Variants in TSEN2 observed in about 807,000 individuals in gnomAD.
TSEN2 encodes tRNA-splicing endonuclease subunit Sen2.
Under a neutral mutation model 59.2 loss-of-function variants are expected in TSEN2, and 54 were observed. That is an observed-to-expected ratio of 0.91 (90% CI 0.73 to 1.14). The LOEUF (loss-of-function observed/expected upper bound fraction) is 1.14. Among genes scored for constraint, TSEN2 ranks in the 50% most tolerant of loss-of-function variants. The pLI, the probability that TSEN2 is intolerant of heterozygous loss-of-function variation, is 0.00. For synonymous variants in TSEN2, 195 were observed against 198.2 expected, an observed-to-expected ratio of 0.98 and a Z score of 0.14; for missense variants, 636 against 576.2, an observed-to-expected ratio of 1.10 and a Z score of -1.06.
chr3:12,525,700 G>A (rs562498185), intron 8 of TSEN2, among the ~76,000 whole-genome samples: 1 of 152,190 alleles, frequency 6.6e-6, no homozygotes, highest in African/African-American at 2.4e-5. Flanking sequence ...GGGACTACAG[G>A]CATGCATTAC....
intron 8 of TSEN2, among the ~76,000 whole-genome samples, chr3:12,521,613 G>A (rs1212245823): frequency 6.6e-6 from 1 of 152,248 alleles, no homozygotes; most frequent in South Asian, 2.1e-4. Flanking sequence ...TACTTGGGAG[G>A]CTAAGGCACG....
At chr3:12,483,039 C>T (rs1474340516), upstream of TSEN2, among the ~76,000 whole-genome samples, 1 of 152,192 alleles carries the variant, frequency 6.6e-6, no homozygotes, top group African/African-American at 2.4e-5. Context: ...CTGAATGCTG[C>T]GACATGATCT....
At position 12,510,228 on chromosome 3, in the gene TSEN2, G is replaced by T. The variant is rs547256344; in HGVS notation, c.909+4997G>T. Among the ~76,000 whole-genome samples the T allele has an allele frequency of 7.2e-5, 11 of 152,306 alleles. No homozygotes were observed. In the South Asian group the frequency reaches 2.3e-3, roughly 32 times the overall value. Reference sequence around the variant, plus strand: ...AACCCTTGGGTCGGAGTCCCATCCTGTGCGCAGTGCGAAGACCTTGCCACC... The same window carrying T: ...AACCCTTGGGTCGGAGTCCCATCCTTTGCGCAGTGCGAAGACCTTGCCACC... On this transcript the variant is annotated intron_variant, in intron 6 of 11. Transcript: ENST00000284995.
intron 11 of TSEN2, 68 bp from the exon 12 acceptor site, chr3:12,532,594 C>A: frequency 6.7e-7 from 1 of 1,490,596 alleles, no homozygotes; most frequent in South Asian, 1.1e-5. Context: ...GCTGTGGTGT[C>A]AGCTGTGGTG....
intron 5 of TSEN2, 69 bp downstream of exon 5, chr3:12,503,853 G>A: frequency 6.4e-7 from 1 of 1,553,706 alleles, no homozygotes; most frequent in South Asian, 1.2e-5. Flanking sequence ...TAATAGGGAT[G>A]TCTTTTGCCT....
At chr3:12,525,153 T>C (rs1484487054) in intron 8 of TSEN2, among the ~76,000 whole-genome samples, 1 of 152,182 alleles carries the variant, frequency 6.6e-6, no homozygotes, top group African/African-American at 2.4e-5. Flanking sequence ...TGATTGTTCC[T>C]GATGATCAGA....
chr3:12,506,765 C>T, intron 6 of TSEN2: 1 of 985,362 alleles, frequency 1.0e-6, no homozygotes, highest in Non-Finnish European at 1.2e-6. Flanking sequence ...GGGCTCCCCT[C>T]TTCTCCAGGA....
intron 8 of TSEN2, among the ~76,000 whole-genome samples, chr3:12,521,835 C>A (rs2056660968): frequency 6.6e-6 from 1 of 152,106 alleles, no homozygotes; most frequent in Admixed American, 6.5e-5. Flanking sequence ...CACGGTGAAA[C>A]CCCATCTCTA....
intron 11 of TSEN2, 45 bp downstream of exon 11, chr3:12,531,704 A>G: frequency 1.6e-6 from 2 of 1,277,200 alleles, no homozygotes; most frequent in Non-Finnish European, 2.3e-6. Context: ...AGATTCTGTG[A>G]ATCATAGTGT....
chr3:12,536,014 C>T (rs910620181), downstream of TSEN2, among the ~76,000 whole-genome samples: 3 of 152,202 alleles, frequency 2.0e-5, no homozygotes, highest in African/African-American at 7.2e-5. Flanking sequence ...ACAAAAGCGT[C>T]TGGCACACAG....
downstream of TSEN2, among the ~76,000 whole-genome samples, chr3:12,537,013 A>C (rs543843798): frequency 6.6e-6 from 1 of 151,830 alleles, no homozygotes; most frequent in Non-Finnish European, 1.5e-5. Context: ...TCAAAAAAAA[A>C]AAAAGGAATT....
chr3:12,537,046 G>C (rs1340711290), downstream of TSEN2, among the ~76,000 whole-genome samples: 1 of 150,324 alleles, frequency 6.7e-6, no homozygotes, highest in Non-Finnish European at 1.5e-5. Context: ...AAGTGAGAGA[G>C]AAGAAATATG....
chr3:12,519,664 T>TG (rs1180185018), intron 8 of TSEN2, among the ~76,000 whole-genome samples: 1 of 151,910 alleles, frequency 6.6e-6, no homozygotes, highest in Non-Finnish European at 1.5e-5. Context: ...GAGAATGGCG[T>TG]GAACCCGGGA....
intron 8 of TSEN2, among the ~76,000 whole-genome samples, chr3:12,522,421 A>AC (rs58209362): frequency 0.033 from 5,017 of 152,318 alleles, 268 homozygotes; most frequent in African/African-American, 0.11. Flanking sequence ...TGACCCACAC[A>AC]CAGAGTCAGA....
In TSEN2 at chr3:12,484,789, G is replaced by T. The variant is rs958660885; in HGVS notation, c.-109G>T. ...CTTGTTCAGGGCTGGTGGGGCTGGG[G>T]CGCAAGGTGCAGCTGACAATGCCCG... On this transcript the variant is annotated 5_prime_UTR_variant, in exon 1 of 12. Coordinates refer to ENST00000284995, the MANE Select transcript of TSEN2 (RefSeq NM_025265.4). 1 of 152,298 alleles carries T rather than the reference G, an allele frequency of 6.6e-6. No individual in the cohort carries two copies. Among genetic ancestry groups the T allele is most frequent in the Non-Finnish European group, 1.5e-5 (1 of 68,122 alleles). 9.4% of individuals were successfully genotyped at this position (152,298 alleles called of 1,614,324 possible).
intron 2 of TSEN2, among the ~76,000 whole-genome samples, chr3:12,491,675 C>T (rs998773028): frequency 6.6e-6 from 1 of 152,164 alleles, no homozygotes; most frequent in Non-Finnish European, 1.5e-5. Flanking sequence ...CCTTAGTCAT[C>T]ATTAGATAAT....
rs200524540 is a variant in TSEN2, at chr3:12,503,616, T to C, written c.663T>C (p.Cys221=). Reference sequence around the variant, plus strand: ...ATGCCTCACCTCTGCCCCATGTCTGTTGCTGCAAACAAGATGCTCTCATCC... The same window carrying C: ...ATGCCTCACCTCTGCCCCATGTCTGCTGCTGCAAACAAGATGCTCTCATCC... ...REDASPLPHV[C]CCKQDALILQ... The change falls in exon 5 of 12, where the codon TGT becomes TGC. Residue 221 remains cysteine (C), a synonymous_variant. Transcript: ENST00000284995. The C allele has an allele frequency of 6.3e-7, 1 of 1,594,788 alleles. No homozygotes were observed. Among genetic ancestry groups the C allele is most frequent in the East Asian group, 2.2e-5 (1 of 44,726 alleles).
intron 3 of TSEN2, among the ~76,000 whole-genome samples, chr3:12,496,264 C>T (rs1322189586): frequency 6.6e-6 from 1 of 152,168 alleles, no homozygotes; most frequent in African/African-American, 2.4e-5. Flanking sequence ...TAGCTGGAGC[C>T]CTGAGTTGAG....
chr3:12,489,821 T>C lies in TSEN2; in HGVS notation c.21T>C (p.His7=), dbSNP rs1461432454. ...GAAAAATGGCAGAAGCAGTTTTCCA[T>C]GCCCCAAAGAGGAAAAGAAGAGTGT... MAEAVF[H]APKRKRRVYE... is the part of the protein sequence containing the mutation. The change falls in exon 2 of 12, where the codon CAT becomes CAC. Residue 7 remains histidine (H), a synonymous_variant. Transcript: ENST00000284995. 2 of 1,613,788 alleles carry C rather than the reference T, an allele frequency of 1.2e-6. No individual in the cohort carries two copies. Among genetic ancestry groups the C allele is most frequent in the African/African-American group, 1.3e-5 (1 of 75,044 alleles).
Sources: gnomAD v4.1 joint callset for allele counts (sites outside exome capture counted in the v4.1 genomes callset) on GRCh38, gnomAD v4.1.1 for gene constraint, MANE v1.5 for transcripts, NCBI Gene and HGNC (gene_info 2026-07-23, HGNC 2026-07-21) for gene names.